NETO1: variants seen among roughly 807,000 people sequenced by gnomAD.
NETO1 encodes neuropilin and tolloid-like protein 1.
A neutral mutation model predicts 61.3 loss-of-function variants in NETO1; 26 were observed. That is an observed-to-expected ratio of 0.42 (90% CI 0.31 to 0.59). The LOEUF (loss-of-function observed/expected upper bound fraction) is 0.59. Among genes scored for constraint, NETO1 ranks in the 20% least tolerant of loss-of-function variants. The pLI is 0.12. For missense variants in NETO1, 531 were observed against 662.8 expected, an observed-to-expected ratio of 0.80 and a Z score of 2.18; for synonymous variants, 225 against 225.8, an observed-to-expected ratio of 1.00 and a Z score of 0.03.
intron 4 of NETO1, among the ~76,000 whole-genome samples, chr18:72,816,242 T>C (rs1389202009): frequency 2.0e-5 from 3 of 152,166 alleles, no homozygotes; most frequent in Non-Finnish European, 4.4e-5. Context: ...TAAAATACTT[T>C]GTTACAGCTA....
At chr18:72,776,607 T>G (rs1340340037) in intron 7 of NETO1, among the ~76,000 whole-genome samples, 2 of 148,146 alleles carry the variant, frequency 1.4e-5, no homozygotes, top group African/African-American at 4.9e-5. Context: ...AAAACTATCT[T>G]GAACTCTCAC....
intron 3 of NETO1, among the ~76,000 whole-genome samples, chr18:72,864,189 T>G (rs2074665698): frequency 6.6e-6 from 1 of 152,024 alleles, no homozygotes; most frequent in Admixed American, 6.6e-5. Context: ...TTTACAAGGT[T>G]AGTGTAAATG....
In NETO1 at chr18:72,750,747, A is replaced by T. The variant is rs1279088043; in HGVS notation, c.983-127T>A. 4 of 621,820 alleles carry T rather than the reference A, an allele frequency of 6.4e-6. No homozygotes were observed. In the East Asian group the frequency reaches 1.1e-4, roughly 17 times the overall value. 38.5% of individuals were successfully genotyped at this position (621,820 alleles called of 1,614,324 possible). A position where few individuals can be genotyped will look rare whatever the true frequency, so the allele number is the denominator to read the frequency against. ...AGCAGGCTGAGCACAGAATTTTTACAGGCTTATAATAACTTAAGAAAATAT... is the reference window on the plus strand; with the variant it reads ...AGCAGGCTGAGCACAGAATTTTTACTGGCTTATAATAACTTAAGAAAATAT... On this transcript the variant is annotated intron_variant, in intron 8 of 10. Transcript: ENST00000327305.
rs532682009 is a variant in NETO1 at position 72,809,051 on chromosome 18, T to A, written c.470-14647A>T. 7.2e-5 allele frequency among the ~76,000 whole-genome samples: 11 copies of A among 152,362 alleles called. 1 individual carries two copies. The South Asian group carries it at 2.3e-3, about 32-fold the overall frequency. ...TTATCATATTCTGTAAAAGTAAATG[T>A]GTCCTTTTAAGTTATGATTCTCATT... On this transcript the variant is annotated intron_variant, in intron 4 of 10. Coordinates refer to ENST00000327305, the MANE Select transcript of NETO1 (RefSeq NM_138966.5).
intron 7 of NETO1, among the ~76,000 whole-genome samples, chr18:72,774,482 T>G (rs1012755172): frequency 6.6e-6 from 1 of 152,116 alleles, no homozygotes; most frequent in East Asian, 1.9e-4. Context: ...TTAGAGTCAA[T>G]AAATTTTCAA....
chr18:72,774,383 G>A (rs1013186396), intron 7 of NETO1, among the ~76,000 whole-genome samples: 5 of 152,108 alleles, frequency 3.3e-5, no homozygotes, highest in Non-Finnish European at 7.4e-5. Context: ...CAAATACACA[G>A]TCCTATCATA....
At chr18:72,850,130 T>C (rs1050771858) in intron 4 of NETO1, among the ~76,000 whole-genome samples, 1 of 152,224 alleles carries the variant, frequency 6.6e-6, no homozygotes, top group African/African-American at 2.4e-5. Context: ...AATTAGGACA[T>C]AGACATCTTG....
chr18:72,756,696 C>G (rs1473723745), intron 7 of NETO1, among the ~76,000 whole-genome samples: 3 of 151,978 alleles, frequency 2.0e-5, no homozygotes, highest in African/African-American at 7.2e-5. Flanking sequence ...ATATATTATG[C>G]TTATTACATT....
At chr18:72,771,216 G>A (rs901008430) in intron 7 of NETO1, among the ~76,000 whole-genome samples, 18 of 152,112 alleles carry the variant, frequency 1.2e-4, no homozygotes, top group Non-Finnish European at 2.9e-5. Flanking sequence ...GTTCTAGACA[G>A]GAAAAGATAA....
rs760922591 is a variant in NETO1, at chr18:72,791,770, C to T, written c.639+2347G>A. On this transcript the variant is annotated intron_variant, in intron 6 of 10. Transcript: ENST00000327305. Reference sequence around the variant, plus strand: ...TTTTAAAAAGTCTTTAAAAATCTTTCATTCATAGAGTCTAAGAAAAATAAA... The same window carrying T: ...TTTTAAAAAGTCTTTAAAAATCTTTTATTCATAGAGTCTAAGAAAAATAAA... 1.2e-4 allele frequency among the ~76,000 whole-genome samples: 19 copies of T among 152,168 alleles called. 1 individual carries two copies.
At chr18:72,822,158 G>A (rs375395655) in intron 4 of NETO1, among the ~76,000 whole-genome samples, 7 of 152,182 alleles carry the variant, frequency 4.6e-5, no homozygotes, top group Non-Finnish European at 1.5e-5. Flanking sequence ...CCTTACAGCT[G>A]TAGTGGAATT....
chr18:72,834,446 A>G, intron 4 of NETO1: 1 of 979,992 alleles, frequency 1.0e-6, no homozygotes, highest in South Asian at 4.7e-5. Flanking sequence ...AACACAGAAA[A>G]ACATATCTGG....
intron 8 of NETO1, among the ~76,000 whole-genome samples, chr18:72,753,632 A>C (rs2070695567): frequency 1.3e-5 from 2 of 152,208 alleles, no homozygotes; most frequent in Admixed American, 1.3e-4. Context: ...CAGGGAAGCA[A>C]GTAAGGTCTG....
chr18:72,798,613 T>C (rs1242346146), intron 4 of NETO1, among the ~76,000 whole-genome samples: 1 of 152,162 alleles, frequency 6.6e-6, no homozygotes, highest in East Asian at 1.9e-4. Flanking sequence ...TTATTTTATT[T>C]ACTTCCATCA....
chr18:72,795,456 TA>T (rs1259904075), intron 4 of NETO1, among the ~76,000 whole-genome samples: 1 of 152,190 alleles, frequency 6.6e-6, no homozygotes, highest in East Asian at 1.9e-4. Context: ...TGTATTATCT[TA>T]TTTGATGCAC....
At chr18:72,819,834 T>C (rs772350001) in intron 4 of NETO1, among the ~76,000 whole-genome samples, 2 of 152,130 alleles carry the variant, frequency 1.3e-5, no homozygotes, top group Non-Finnish European at 2.9e-5. Flanking sequence ...ATGCATAAAA[T>C]AATGTTAATT....
chr18:72,848,751 T>C (rs78573901), intron 4 of NETO1, among the ~76,000 whole-genome samples: 2,512 of 152,294 alleles, frequency 0.016, 84 homozygotes, highest in African/African-American at 0.058. Context: ...ACTGACACAG[T>C]AGCACACCTG....
chr18:72,807,380 A>G (rs2072708112), intron 4 of NETO1, among the ~76,000 whole-genome samples: 1 of 152,146 alleles, frequency 6.6e-6, no homozygotes, highest in Non-Finnish European at 1.5e-5. Context: ...AATATTATTG[A>G]TATGTGCTGG....
chr18:72,839,620 A>ACTC (rs35742015), intron 4 of NETO1, among the ~76,000 whole-genome samples: 145,866 of 151,918 alleles, frequency 0.96, 70,119 homozygotes, highest in Non-Finnish European at 0.99. Context: ...TTTCAATAAA[A>ACTC]CTCATTTGCC....
Sources: gnomAD v4.1 joint callset for allele counts (sites outside exome capture counted in the v4.1 genomes callset) on GRCh38, gnomAD v4.1.1 for gene constraint, MANE v1.5 for transcripts, NCBI Gene and HGNC (gene_info 2026-07-23, HGNC 2026-07-21) for gene names.